The following SMYD3 variants were observed in gnomAD, a reference collection of about 807,000 sequenced individuals.
SMYD3 encodes the protein SET and MYND domain containing 3.
Under a neutral mutation model 57.7 loss-of-function variants are expected in SMYD3, and 36 were observed. That is an observed-to-expected ratio of 0.62 (90% confidence interval 0.48 to 0.82). The LOEUF (loss-of-function observed/expected upper bound fraction) is 0.82, where lower values mean the gene tolerates loss of function less well. Ranked by LOEUF, SMYD3 falls within the 40% of genes least tolerant of loss-of-function variation. SMYD3 has a pLI of 0.00. For missense variants in SMYD3, 515 were observed against 538.8 expected (o/e 0.96, Z 0.44); for synonymous variants, 211 against 195.0 (o/e 1.08, Z -0.68).
At chr1:246,062,144 A>C (rs945868834) in intron 5 of SMYD3, among the ~76,000 whole-genome samples, 2 of 151,748 alleles carry the variant, frequency 1.3e-5, no homozygotes, top group Non-Finnish European at 2.9e-5. Context: ...GAATCAGGAA[A>C]GAGCCTTAGT....
At chr1:245,821,239 G>A (rs1442399700) in intron 10 of SMYD3, among the ~76,000 whole-genome samples, 11 of 147,836 alleles carry the variant, frequency 7.4e-5, no homozygotes, top group African/African-American at 2.7e-4. Flanking sequence ...CAGAAATAAC[G>A]CCACATATCT....
In SMYD3 at chr1:246,227,044, T is replaced by TA. The variant is rs2063340776; in HGVS notation, c.531+100156dup. On this transcript the variant is annotated intron_variant, in intron 5 of 11. Coordinates refer to ENST00000490107, the MANE Select transcript of SMYD3 (RefSeq NM_001167740.2). Reference sequence around the variant, plus strand: ...TAATAAATGCTTGTGATTTTTGACATATTAAATTCTAAACCTCAACATTTC... The same window carrying TA: ...TAATAAATGCTTGTGATTTTTGACATAATTAAATTCTAAACCTCAACATTTC... 3.9e-5 allele frequency among the ~76,000 whole-genome samples: 6 copies of TA among 152,312 alleles called. No homozygotes were observed. The South Asian group carries it at 8.3e-4, about 21-fold the overall frequency.
chr1:245,859,023 C>A (rs564819648), intron 9 of SMYD3, among the ~76,000 whole-genome samples: 2 of 152,066 alleles, frequency 1.3e-5, no homozygotes, highest in Non-Finnish European at 2.9e-5. Flanking sequence ...TAAGTTAATT[C>A]GATTTTAAAT....
rs146978241 is a variant in SMYD3, at chr1:246,091,290, C to T, written c.532-161353G>A. Among the ~76,000 whole-genome samples the T allele has an allele frequency of 5.9e-3, 897 of 152,236 alleles. 5 individuals are homozygous for T. The highest frequency in any genetic ancestry group is 0.011 in the African/African-American group (445 of 41,542). ...TGAGGATTTCTGGCTGGGGCTACCG[C>T]CCAGTATTACCCAAACCCTCCTGGA... On this transcript the variant is annotated intron_variant, in intron 5 of 11. Coordinates refer to ENST00000490107, the MANE Select transcript of SMYD3 (RefSeq NM_001167740.2).
chr1:246,218,781 A>G (rs1043252987), intron 5 of SMYD3, among the ~76,000 whole-genome samples: 11 of 152,198 alleles, frequency 7.2e-5, no homozygotes, highest in African/African-American at 2.4e-4. Context: ...ACTCACGGGT[A>G]TCTTAGCCAA....
At chr1:246,072,811 C>T (rs2060482195) in intron 5 of SMYD3, among the ~76,000 whole-genome samples, 1 of 151,620 alleles carries the variant, frequency 6.6e-6, no homozygotes, top group East Asian at 1.9e-4. Flanking sequence ...ACAGACTTTT[C>T]TTCTGCCTTG....
At chr1:246,278,694 C>A (rs2064384060) in intron 5 of SMYD3, among the ~76,000 whole-genome samples, 1 of 152,150 alleles carries the variant, frequency 6.6e-6, no homozygotes, top group Non-Finnish European at 1.5e-5. Flanking sequence ...CCAGCTGACA[C>A]CTTGACGAGA....
intron 1 of SMYD3, among the ~76,000 whole-genome samples, chr1:246,381,297 C>A (rs922501972): frequency 2.0e-5 from 3 of 151,990 alleles, no homozygotes; most frequent in African/African-American, 4.8e-5. Flanking sequence ...AAGTGCCCAG[C>A]GAATATCTGG....
intron 1 of SMYD3, among the ~76,000 whole-genome samples, chr1:246,424,375 CAAAG>C (rs1434029087): frequency 1.3e-5 from 2 of 150,974 alleles, no homozygotes; most frequent in South Asian, 4.2e-4. Flanking sequence ...AATAAATACT[CAAAG>C]GAAGACAGAA....
chr1:246,463,337 G>A (rs1445072502), intron 1 of SMYD3, among the ~76,000 whole-genome samples: 1 of 152,136 alleles, frequency 6.6e-6, no homozygotes, highest in East Asian at 1.9e-4. Flanking sequence ...GCAGTTATTA[G>A]GCTAACAGGT....
Position 245,749,530 on chromosome 1 carries a change from A to G in SMYD3, c.*33T>C. 6.5e-7 allele frequency: 1 copy of G among 1,535,930 alleles called. No homozygotes were observed. The highest frequency in any genetic ancestry group is 1.7e-4 in the Middle Eastern group (1 of 5,902). ...GACCTCAATAAGGCATTCAACAAAG[A>G]CACACGCCGTATTTCCCTCTGACTG... On this transcript the variant is annotated 3_prime_UTR_variant, in exon 12 of 12. Transcript: ENST00000490107.
chr1:246,367,001 A>G (rs972771377), intron 1 of SMYD3, among the ~76,000 whole-genome samples: 5 of 151,928 alleles, frequency 3.3e-5, no homozygotes, highest in Non-Finnish European at 5.9e-5. Flanking sequence ...TTTTTTGGGG[A>G]AAAAAAGAGA....
chr1:245,829,992 T>C (rs2049740634), intron 10 of SMYD3, among the ~76,000 whole-genome samples: 1 of 151,952 alleles, frequency 6.6e-6, no homozygotes, highest in Non-Finnish European at 1.5e-5. Context: ...CTAATGAGTA[T>C]GGGGTTTCTT....
intron 8 of SMYD3, among the ~76,000 whole-genome samples, chr1:245,901,897 G>A (rs576779433): frequency 6.6e-6 from 1 of 152,156 alleles, no homozygotes; most frequent in East Asian, 1.9e-4. Flanking sequence ...AGCCACAGGA[G>A]AGCTGCTCAG....
intron 5 of SMYD3, among the ~76,000 whole-genome samples, chr1:246,001,130 C>A (rs1488532231): frequency 4.6e-5 from 7 of 152,226 alleles, no homozygotes; most frequent in Non-Finnish European, 1.0e-4. Flanking sequence ...CTAAGGCCAA[C>A]AGACAGAACC....
At chr1:246,344,110 T>G (rs2065673861) in intron 2 of SMYD3, among the ~76,000 whole-genome samples, 1 of 152,134 alleles carries the variant, frequency 6.6e-6, no homozygotes, top group Non-Finnish European at 1.5e-5. Flanking sequence ...CTCTAACTCA[T>G]GAGTTCAAAC....
intron 5 of SMYD3, among the ~76,000 whole-genome samples, chr1:246,272,182 G>A (rs1408897218): frequency 6.6e-6 from 1 of 152,090 alleles, no homozygotes; most frequent in Non-Finnish European, 1.5e-5. Context: ...AGTTTTTTGT[G>A]GGATCTTTAG....
At chr1:246,327,796 A>G (rs181396211) in intron 4 of SMYD3, among the ~76,000 whole-genome samples, 10 of 152,358 alleles carry the variant, frequency 6.6e-5, no homozygotes, top group African/African-American at 2.4e-4. Flanking sequence ...TAAAAAGTTC[A>G]GATAAAGTTC....
chr1:245,770,449 A>T (rs893636218), intron 10 of SMYD3, among the ~76,000 whole-genome samples: 1 of 152,254 alleles, frequency 6.6e-6, no homozygotes, highest in Non-Finnish European at 1.5e-5. Context: ...GAAATAAAGC[A>T]GCCATTACAA....
Sources: allele counts gnomAD v4.1 joint callset (sites outside exome capture counted in the v4.1 genomes callset), GRCh38; gene constraint gnomAD v4.1.1; transcripts MANE v1.5; gene names NCBI Gene and HGNC (gene_info 2026-07-23, HGNC 2026-07-21).